Variants in CEMIP observed in about 807,000 individuals in gnomAD.
CEMIP encodes cell migration inducing hyaluronidase 1.
Under a neutral mutation model 156.9 loss-of-function variants are expected in CEMIP, and 105 were observed. The observed-to-expected ratio is 0.67, with a 90% CI of 0.57 to 0.79. The LOEUF is 0.79. Among genes scored for constraint, CEMIP ranks in the 30% least tolerant of loss-of-function variants. CEMIP has a pLI of 0.00. For missense variants in CEMIP, 1,457 were observed against 1,769.4 expected (o/e 0.82, Z 3.17); for synonymous variants, 676 against 668.4 (o/e 1.01, Z -0.17).
At chr15:80,796,073 A>G (rs968935638) in intron 1 of CEMIP, among the ~76,000 whole-genome samples, 1 of 152,192 alleles carries the variant, frequency 6.6e-6, no homozygotes, top group African/African-American at 2.4e-5. Flanking sequence ...CATAACTTTA[A>G]ACTTTAAAAA....
At chr15:80,873,808 A>T in intron 2 of CEMIP, 56 bp from the exon 3 acceptor site, 1 of 1,288,888 alleles carries the variant, frequency 7.8e-7, no homozygotes, top group Non-Finnish European at 1.1e-6. Context: ...TCGGCCCTGT[A>T]TACTGATTCC....
intron 23 of CEMIP, among the ~76,000 whole-genome samples, chr15:80,935,401 A>G (rs1044520204): frequency 2.0e-5 from 3 of 146,560 alleles, no homozygotes; most frequent in Non-Finnish European, 2.9e-5. Context: ...ATCTTCTGTG[A>G]AAAAAAAGCT....
At chr15:80,890,445 C>CT (rs1898998489) in intron 10 of CEMIP, among the ~76,000 whole-genome samples, 6 of 150,428 alleles carry the variant, frequency 4.0e-5, no homozygotes, top group Admixed American at 2.0e-4. Flanking sequence ...AAAAAATTAG[C>CT]TTGGTGTGGT....
At chr15:80,859,130 G>T (rs1049760402) in intron 1 of CEMIP, among the ~76,000 whole-genome samples, 5 of 152,206 alleles carry the variant, frequency 3.3e-5, no homozygotes, top group African/African-American at 1.2e-4. Context: ...AATCACAGCA[G>T]CCAGGGGAAT....
intron 1 of CEMIP, among the ~76,000 whole-genome samples, chr15:80,811,730 A>AT (rs1360412421): frequency 6.6e-6 from 1 of 151,884 alleles, no homozygotes; most frequent in Non-Finnish European, 1.5e-5. Context: ...AATGTTTTCT[A>AT]TGTCTTCGTA....
chr15:80,948,378 G>A, intron 29 of CEMIP: 1 of 318,170 alleles, frequency 3.1e-6, no homozygotes, highest in Non-Finnish European at 6.2e-6. Context: ...TGATAGAGTG[G>A]GGAAGGAGAT....
At chr15:80,839,289 A>AGAGTGTGT (rs1555429516) in intron 1 of CEMIP, among the ~76,000 whole-genome samples, 4 of 131,120 alleles carry the variant, frequency 3.1e-5, no homozygotes, top group Non-Finnish European at 6.3e-5. Context: ...CAAGGCCGTG[A>AGAGTGTGT]GTGTGTGTGT....
chr15:80,922,216 A>G (rs1262069092), intron 17 of CEMIP, 79 bp downstream of exon 17: 2 of 1,581,466 alleles, frequency 1.3e-6, no homozygotes, highest in Non-Finnish European at 1.7e-6. Context: ...GAGCCGGGAC[A>G]GCCAGTTGGC....
At chr15:80,818,103 CA>C (rs1164607526) in intron 1 of CEMIP, among the ~76,000 whole-genome samples, 1 of 152,194 alleles carries the variant, frequency 6.6e-6, no homozygotes, top group African/African-American at 2.4e-5. Flanking sequence ...GCTGCAGGAA[CA>C]AACAATCCCC....
chr15:80,860,788 T>A (rs1488657139), intron 1 of CEMIP, among the ~76,000 whole-genome samples: 1 of 152,036 alleles, frequency 6.6e-6, no homozygotes, highest in Non-Finnish European at 1.5e-5. Context: ...CCCTACCCCT[T>A]AGCTGTGCTG....
intron 1 of CEMIP, among the ~76,000 whole-genome samples, chr15:80,816,864 C>A (rs1596109025): frequency 6.6e-6 from 1 of 152,224 alleles, no homozygotes; most frequent in Non-Finnish European, 1.5e-5. Flanking sequence ...CTACAGTGCA[C>A]CGTTACTCTA....
chr15:80,830,692 C>A (rs1897138809), intron 1 of CEMIP, among the ~76,000 whole-genome samples: 1 of 152,040 alleles, frequency 6.6e-6, no homozygotes, highest in Non-Finnish European at 1.5e-5. Context: ...TTTGTGTTAA[C>A]TGGAAATAAA....
At chr15:80,819,024 G>A (rs1159284598) in intron 1 of CEMIP, among the ~76,000 whole-genome samples, 1 of 152,200 alleles carries the variant, frequency 6.6e-6, no homozygotes, top group East Asian at 1.9e-4. Flanking sequence ...CCCAGGTTCA[G>A]CCCAGCCTGG....
At chr15:80,849,658 A>G (rs774118968) in intron 1 of CEMIP, among the ~76,000 whole-genome samples, 20 of 150,802 alleles carry the variant, frequency 1.3e-4, no homozygotes, top group Admixed American at 3.4e-4. Flanking sequence ...GTGGTTGAGC[A>G]GAATGACCAC....
intron 14 of CEMIP, among the ~76,000 whole-genome samples, chr15:80,916,036 A>G (rs1373143142): frequency 6.6e-6 from 1 of 152,220 alleles, no homozygotes; most frequent in Non-Finnish European, 1.5e-5. Flanking sequence ...GGCAGAAACA[A>G]GTAAAGTTCA....
chr15:80,888,229 A>C (rs868074112), intron 8 of CEMIP, among the ~76,000 whole-genome samples: 10 of 152,188 alleles, frequency 6.6e-5, no homozygotes, highest in African/African-American at 2.4e-4. Flanking sequence ...AGAATTAGCC[A>C]GGCATGGTGG....
chr15:80,822,009 G>A (rs538750273), intron 1 of CEMIP, among the ~76,000 whole-genome samples: 2 of 152,350 alleles, frequency 1.3e-5, no homozygotes, highest in African/African-American at 4.8e-5. Flanking sequence ...CCTTGAGACT[G>A]TGGTGCTATG....
chr15:80,874,544 A>G (rs942232777), intron 3 of CEMIP, among the ~76,000 whole-genome samples: 4 of 152,216 alleles, frequency 2.6e-5, no homozygotes, highest in African/African-American at 9.6e-5. Flanking sequence ...ACCTGGTCTC[A>G]ATGCTCCCTT....
intron 12 of CEMIP, among the ~76,000 whole-genome samples, chr15:80,902,906 T>C (rs569885628): frequency 1.5e-4 from 23 of 152,212 alleles, no homozygotes; most frequent in Non-Finnish European, 2.6e-4. Flanking sequence ...GCACAGCCCA[T>C]GGATTAACTC....
Sources: gnomAD v4.1 joint callset for allele counts (sites outside exome capture counted in the v4.1 genomes callset) on GRCh38, gnomAD v4.1.1 for gene constraint, MANE v1.5 for transcripts, NCBI Gene and HGNC (gene_info 2026-07-23, HGNC 2026-07-21) for gene names.